Variants in GPHN observed in about 807,000 individuals in gnomAD.
The protein encoded by GPHN is gephyrin.
Under a neutral mutation model 95.5 loss-of-function variants are expected in GPHN, and 17 were observed. The ratio of observed to expected loss-of-function variants is 0.18; its 90% CI spans 0.12 to 0.27. GPHN has a LOEUF of 0.27. Among genes scored for constraint, GPHN ranks in the 10% least tolerant of loss-of-function variants. The pLI is 1.00. For missense variants in GPHN, 660 were observed against 978.1 expected (o/e 0.67, Z 4.34); for synonymous variants, 320 against 322.5 (o/e 0.99, Z 0.08).
At chr14:66,976,749 T>C (rs2070252911) in intron 9 of GPHN, among the ~76,000 whole-genome samples, 1 of 152,204 alleles carries the variant, frequency 6.6e-6, no homozygotes, top group Non-Finnish European at 1.5e-5. Context: ...CTTAAGGAGC[T>C]TATAGTGGTA....
chr14:67,685,081 C>T, the GPHN span: 1 of 1,614,074 alleles, frequency 6.2e-7, no homozygotes. Context: ...GGTCTGGGCT[C>T]CCTGCTGAGG....
At chr14:67,350,469 G>A in the GPHN span, 3 of 600,084 alleles carry the variant, frequency 5.0e-6, no homozygotes, top group Non-Finnish European at 8.3e-6. Flanking sequence ...TTAAGGTGAT[G>A]GGGTTAAAAG....
intron 18 of GPHN, among the ~76,000 whole-genome samples, chr14:67,153,364 G>A (rs752733989): frequency 6.6e-5 from 10 of 152,208 alleles, no homozygotes; most frequent in South Asian, 4.1e-4. Flanking sequence ...AGATCCAGGT[G>A]ACAGCATGGA....
At position 67,062,520 on chromosome 14, in the gene GPHN, C is replaced by A. The variant is rs114146625; in HGVS notation, c.1144+3734C>A. 3.5e-3 allele frequency among the ~76,000 whole-genome samples: 537 copies of A among 152,254 alleles called. 8 individuals carry two copies. Among genetic ancestry groups the A allele is most frequent in the African/African-American group, 0.012 (501 of 41,556 alleles). On this transcript the variant is annotated intron_variant, in intron 11 of 22. Transcript: ENST00000478722. ...ATGTCTAAGAAGGTTCAATAATAAT[C>A]CCAGAAAACTAAGGACTTAACATGT...
the GPHN span, among the ~76,000 whole-genome samples, chr14:67,437,023 T>C: frequency 6.6e-6 from 1 of 152,144 alleles, no homozygotes; most frequent in Non-Finnish European, 1.5e-5. Context: ...ACCACTGCAC[T>C]CCAGCCTAGG....
chr14:67,243,641 C>T, the GPHN span, among the ~76,000 whole-genome samples: 231 of 151,842 alleles, frequency 1.5e-3, no homozygotes, highest in African/African-American at 5.3e-3. Flanking sequence ...TACAGGTGCC[C>T]GCCACCACGC....
intron 8 of GPHN, among the ~76,000 whole-genome samples, chr14:66,957,485 C>A (rs149109475): frequency 1.3e-5 from 2 of 152,068 alleles, no homozygotes; most frequent in East Asian, 3.9e-4. Context: ...CATGAGCCAC[C>A]GCACCTGGTC....
chr14:66,705,259 C>T (rs1394367205), intron 2 of GPHN, among the ~76,000 whole-genome samples: 2 of 152,252 alleles, frequency 1.3e-5, no homozygotes, highest in Admixed American at 6.5e-5. Flanking sequence ...GGTACCATTC[C>T]TTCTGAAATT....
chr14:67,727,285 G>A, the GPHN span: 1 of 874,494 alleles, frequency 1.1e-6, no homozygotes, highest in Non-Finnish European at 1.8e-6. Flanking sequence ...ACATGCACGT[G>A]TCAGTAATAT....
chr14:67,644,708 T>C, the GPHN span, among the ~76,000 whole-genome samples: 1 of 152,094 alleles, frequency 6.6e-6, no homozygotes, highest in Non-Finnish European at 1.5e-5. Context: ...TTTAAGATCT[T>C]ATATTTGAGG....
At chr14:67,321,004 C>A in the GPHN span, 1 of 1,461,058 alleles carries the variant, frequency 6.8e-7, no homozygotes. Flanking sequence ...GAATTATCCC[C>A]TGTCCTCACT....
At chr14:67,709,987 C>T in the GPHN span, among the ~76,000 whole-genome samples, 1 of 152,194 alleles carries the variant, frequency 6.6e-6, no homozygotes, top group Admixed American at 6.5e-5. Context: ...AAAGGCTAAT[C>T]AGAAACTCAA....
chr14:66,949,321 A>G (rs1378394555), intron 8 of GPHN, among the ~76,000 whole-genome samples: 1 of 152,038 alleles, frequency 6.6e-6, no homozygotes, highest in Non-Finnish European at 1.5e-5. Flanking sequence ...GCTGGTCTCA[A>G]ACTCCTGACC....
At chr14:67,536,728 C>A in the GPHN span, among the ~76,000 whole-genome samples, 155 of 152,024 alleles carry the variant, frequency 1.0e-3, no homozygotes, top group Non-Finnish European at 1.5e-3. Context: ...ACAGGACTCA[C>A]TTAAAAGTTG....
chr14:67,666,569 G>C, the GPHN span, among the ~76,000 whole-genome samples: 1 of 152,210 alleles, frequency 6.6e-6, no homozygotes, highest in Non-Finnish European at 1.5e-5. Context: ...GATAATTCAA[G>C]AGACTGATCT....
At chr14:67,569,108 C>T in the GPHN span, 2 of 1,508,992 alleles carry the variant, frequency 1.3e-6, no homozygotes, top group South Asian at 1.1e-5. Flanking sequence ...TCATGCCGGG[C>T]CCTGAGCTTC....
intron 1 of GPHN, among the ~76,000 whole-genome samples, chr14:66,526,255 T>A (rs184013808): frequency 1.3e-5 from 2 of 152,330 alleles, no homozygotes; most frequent in Admixed American, 6.5e-5. Context: ...CACTTGTGAA[T>A]GGGAGTTCAC....
intron 1 of GPHN, among the ~76,000 whole-genome samples, chr14:66,656,049 G>C (rs2065288405): frequency 6.6e-6 from 1 of 152,028 alleles, no homozygotes. Context: ...AGAAATATTT[G>C]TCTTTGGGTT....
chr14:67,088,676 G>C (rs1260566258), intron 11 of GPHN, among the ~76,000 whole-genome samples: 1 of 152,162 alleles, frequency 6.6e-6, no homozygotes, highest in Non-Finnish European at 1.5e-5. Flanking sequence ...TCCTTTTAAA[G>C]AAAATCATAT....
Sources: gnomAD v4.1 joint callset for allele counts (sites outside exome capture counted in the v4.1 genomes callset) on GRCh38, gnomAD v4.1.1 for gene constraint, MANE v1.5 for transcripts, NCBI Gene and HGNC (gene_info 2026-07-23, HGNC 2026-07-21) for gene names.